The following ADAMTS19 variants were observed in gnomAD, a reference collection of about 807,000 sequenced individuals.
ADAMTS19 encodes A disintegrin and metalloproteinase with thrombospondin motifs 19.
In ADAMTS19, 93 loss-of-function variants were observed where a neutral mutation model predicts 153.3. That is an observed-to-expected ratio of 0.61 (90% CI 0.51 to 0.72). ADAMTS19 has a LOEUF of 0.72. Ranked by LOEUF, ADAMTS19 falls within the 30% of genes least tolerant of loss-of-function variation. The pLI is 0.00. For synonymous variants in ADAMTS19, 600 were observed against 556.6 expected, an observed-to-expected ratio of 1.08 and a Z score of -1.10; for missense variants, 1,482 against 1,552.1, an observed-to-expected ratio of 0.95 and a Z score of 0.76.
intron 18 of ADAMTS19, among the ~76,000 whole-genome samples, chr5:129,691,528 A>T (rs1021488895): frequency 6.6e-6 from 1 of 152,070 alleles, no homozygotes; most frequent in Admixed American, 6.6e-5. Context: ...TAAAAGAAAA[A>T]CTCAAACAAT....
At chr5:129,470,895 A>G (rs1024166844) in intron 2 of ADAMTS19, among the ~76,000 whole-genome samples, 2 of 152,190 alleles carry the variant, frequency 1.3e-5, no homozygotes, top group African/African-American at 2.4e-5. Flanking sequence ...AGCACATTCA[A>G]AGGATAAACA....
chr5:129,673,861 T>G (rs1471771708), intron 16 of ADAMTS19, among the ~76,000 whole-genome samples: 2 of 152,234 alleles, frequency 1.3e-5, no homozygotes, highest in Non-Finnish European at 2.9e-5. Flanking sequence ...TTAATTTTAA[T>G]GTAAATGACC....
intron 15 of ADAMTS19, among the ~76,000 whole-genome samples, chr5:129,662,230 G>C (rs999680348): frequency 5.9e-5 from 9 of 152,202 alleles, no homozygotes; most frequent in Non-Finnish European, 1.2e-4. Context: ...TAAGATGGCT[G>C]ATTAAAAATG....
intron 7 of ADAMTS19, among the ~76,000 whole-genome samples, chr5:129,581,665 T>TGCTTCTC (rs1195079320): frequency 2.0e-5 from 3 of 152,222 alleles, no homozygotes; most frequent in Non-Finnish European, 4.4e-5. Context: ...GTTTGCTTCT[T>TGCTTCTC]GCTTCTCTAC....
chr5:129,526,257 A>G, intron 3 of ADAMTS19, 27 bp from the exon 4 acceptor site: 1 of 1,532,506 alleles, frequency 6.5e-7, no homozygotes, highest in Non-Finnish European at 8.7e-7. Flanking sequence ...ATGAAGGTGC[A>G]TTGAAAAATT....
chr5:129,498,850 T>C (rs1303561836), intron 2 of ADAMTS19, among the ~76,000 whole-genome samples: 1 of 151,200 alleles, frequency 6.6e-6, no homozygotes, highest in Non-Finnish European at 1.5e-5. Flanking sequence ...CTTTTTACAA[T>C]TTAGAATTTC....
chr5:129,542,603 C>T (rs1752694703), intron 6 of ADAMTS19, among the ~76,000 whole-genome samples: 1 of 152,054 alleles, frequency 6.6e-6, no homozygotes, highest in Admixed American at 6.6e-5. Context: ...TTGCATGCTG[C>T]TTACCATGGG....
At chr5:129,598,410 AAAC>A (rs1489367339) in intron 8 of ADAMTS19, among the ~76,000 whole-genome samples, 1 of 152,206 alleles carries the variant, frequency 6.6e-6, no homozygotes, top group African/African-American at 2.4e-5. Flanking sequence ...AGCTTAGAAG[AAAC>A]AATTTACATT....
intron 21 of ADAMTS19, among the ~76,000 whole-genome samples, chr5:129,710,168 C>T (rs112161333): frequency 6.6e-6 from 1 of 152,090 alleles, no homozygotes; most frequent in African/African-American, 2.4e-5. Flanking sequence ...GTTCCTCTCC[C>T]TGGTCCATGT....
intron 6 of ADAMTS19, among the ~76,000 whole-genome samples, chr5:129,529,371 A>ATGAAATCAT (rs1752121522): frequency 6.6e-6 from 1 of 152,178 alleles, no homozygotes; most frequent in Admixed American, 6.6e-5. Flanking sequence ...ATTTTCTGAA[A>ATGAAATCAT]TGAAATCATT....
intron 7 of ADAMTS19, among the ~76,000 whole-genome samples, chr5:129,560,279 GT>G (rs1246746545): frequency 1.3e-5 from 2 of 152,142 alleles, no homozygotes; most frequent in African/African-American, 2.4e-5. Flanking sequence ...AAGTAGACAA[GT>G]TTTCATGCTA....
At chr5:129,572,120 A>G (rs749018811) in intron 7 of ADAMTS19, among the ~76,000 whole-genome samples, 9 of 151,948 alleles carry the variant, frequency 5.9e-5, no homozygotes, top group Non-Finnish European at 1.2e-4. Flanking sequence ...TGGTCCATGA[A>G]AGGAAAAATG....
chr5:129,687,203 A>T (rs920617615), intron 18 of ADAMTS19, among the ~76,000 whole-genome samples: 8 of 152,158 alleles, frequency 5.3e-5, no homozygotes, highest in Non-Finnish European at 8.8e-5. Context: ...CAATCCTACC[A>T]ACAAGCGCCC....
At chr5:129,702,932 AAAAAAAAAAATATATATAT>A (rs1561658579) in intron 20 of ADAMTS19, among the ~76,000 whole-genome samples, 2 of 41,838 alleles carry the variant, frequency 4.8e-5, no homozygotes, top group South Asian at 7.5e-4. Flanking sequence ...GACTTGCCAA[AAAAAAAAAAATATATATAT>A]ATATATATAT....
At chr5:129,674,273 G>A (rs1407113297) in intron 16 of ADAMTS19, among the ~76,000 whole-genome samples, 4 of 151,366 alleles carry the variant, frequency 2.6e-5, no homozygotes, top group Admixed American at 6.6e-5. Context: ...TTAATATTTA[G>A]TGTTGCATGC....
chr5:129,720,215 A>G (rs961458596), intron 21 of ADAMTS19, among the ~76,000 whole-genome samples: 2 of 148,728 alleles, frequency 1.3e-5, no homozygotes, highest in Non-Finnish European at 3.0e-5. Flanking sequence ...TCTGTCACCC[A>G]GGCTGGAGTG....
At chr5:129,630,714 A>C (rs1441825674) in intron 10 of ADAMTS19, among the ~76,000 whole-genome samples, 1 of 152,082 alleles carries the variant, frequency 6.6e-6, no homozygotes, top group Non-Finnish European at 1.5e-5. Context: ...AAGAAAAACA[A>C]AACAGAAAAT....
At position 129,460,370 on chromosome 5, in the gene ADAMTS19, G is replaced by T. The variant is rs745850829; in HGVS notation, c.-22G>T. Reference sequence around the variant, plus strand: ...GCTGGAGGCGTGCGCCGGGCGAGAAGCCGCGGCCGCGGGAGCGCAGTATGG... The same window carrying T: ...GCTGGAGGCGTGCGCCGGGCGAGAATCCGCGGCCGCGGGAGCGCAGTATGG... On this transcript the variant is annotated 5_prime_UTR_variant, in exon 1 of 23. Coordinates refer to ENST00000274487, the MANE Select transcript of ADAMTS19 (RefSeq NM_133638.6). 1 of 1,605,656 alleles carries T rather than the reference G, an allele frequency of 6.2e-7. No individual in the cohort carries two copies. The highest frequency in any genetic ancestry group is 8.5e-7 in the Non-Finnish European group (1 of 1,175,218).
intron 7 of ADAMTS19, among the ~76,000 whole-genome samples, chr5:129,584,285 C>T (rs1749673646): frequency 6.6e-6 from 1 of 152,168 alleles, no homozygotes; most frequent in South Asian, 2.1e-4. Flanking sequence ...CCCAGAGAGA[C>T]ACCCACCAGA....
Sources: allele counts gnomAD v4.1 joint callset (sites outside exome capture counted in the v4.1 genomes callset), GRCh38; gene constraint gnomAD v4.1.1; transcripts MANE v1.5; gene names NCBI Gene and HGNC (gene_info 2026-07-23, HGNC 2026-07-21).